LRRC38: variants seen among roughly 807,000 people sequenced by gnomAD.
The protein encoded by LRRC38 is leucine rich repeat containing 38.
LRRC38 carries 5 observed loss-of-function variants against 16.4 expected under a neutral mutation model. The observed-to-expected ratio is 0.31, with a 90% confidence interval of 0.16 to 0.64. LRRC38 has a LOEUF of 0.64. Among genes scored for constraint, LRRC38 ranks in the 30% least tolerant of loss-of-function variants. LRRC38 has a pLI of 0.80. For missense variants in LRRC38, 341 were observed against 401.8 expected (o/e 0.85, Z 1.29); for synonymous variants, 191 against 190.2 (o/e 1.00, Z -0.04).
In LRRC38 at chr1:13,504,217, C is replaced by G. The variant is rs139338587; in HGVS notation, c.631+8746G>C. Among the ~76,000 whole-genome samples the G allele has an allele frequency of 6.5e-3, 928 of 141,980 alleles. 2 individuals carry two copies. The highest frequency in any genetic ancestry group is 0.01 in the Non-Finnish European group (688 of 67,328). 93.1% of individuals were successfully genotyped at this position (141,980 alleles called of 152,430 possible). ...ATCACTTGAGGTCAAAGGAGAGATGCTATCACCTACATTTGACCGGGGACA... is the reference window on the plus strand; with the variant it reads ...ATCACTTGAGGTCAAAGGAGAGATGGTATCACCTACATTTGACCGGGGACA... On this transcript the variant is annotated intron_variant, in intron 1 of 1. Transcript: ENST00000376085.
At chr1:13,495,215 T>C (rs1314981680) in intron 1 of LRRC38, among the ~76,000 whole-genome samples, 2 of 152,082 alleles carry the variant, frequency 1.3e-5, no homozygotes, top group African/African-American at 4.8e-5. Context: ...ACAGCCCCAG[T>C]GTGTCTGGGA....
intron 1 of LRRC38, among the ~76,000 whole-genome samples, chr1:13,498,239 CAAAACAAAACA>C (rs1176743464): frequency 4.9e-5 from 6 of 123,522 alleles, no homozygotes; most frequent in African/African-American, 9.4e-5. Context: ...AAAAACAAAA[CAAAACAAAACA>C]AAAAAAAAAA....
In LRRC38 at chr1:13,487,680, G is replaced by A. The variant is rs1638952779; in HGVS notation, c.632-11581C>T. 6.6e-6 allele frequency among the ~76,000 whole-genome samples: 1 copy of A among 152,194 alleles called. No homozygotes were observed. The highest frequency in any genetic ancestry group is 1.5e-5 in the Non-Finnish European group (1 of 68,050). ...GACTTCTCCCCAGCAGCTGACACCTGAGCTGGAGAGGGTGAAGAGCTGCCA... is the reference window on the plus strand; with the variant it reads ...GACTTCTCCCCAGCAGCTGACACCTAAGCTGGAGAGGGTGAAGAGCTGCCA... On this transcript the variant is annotated intron_variant, in intron 1 of 1. Transcript: ENST00000376085. This position sits in a 1 kb window ranked among gnomAD's most constrained non-coding sequence, Gnocchi z 4.4.
intron 1 of LRRC38, among the ~76,000 whole-genome samples, chr1:13,480,015 G>C (rs143165360): frequency 6.6e-6 from 1 of 152,204 alleles, no homozygotes; most frequent in African/African-American, 2.4e-5. Context: ...CCACCTACCA[G>C]ATGCCAGCAA....
chr1:13,475,698 G>T lies in LRRC38; in HGVS notation c.*148C>A. 1.0e-6 allele frequency: 1 copy of T among 963,220 alleles called. No individual in the cohort carries two copies. Among genetic ancestry groups the T allele is most frequent in the Non-Finnish European group, 1.5e-6 (1 of 664,300 alleles). The allele number at this position is 963,220 out of a possible 1,614,324, so 59.7% of individuals were successfully genotyped here. A position where few individuals can be genotyped will look rare whatever the true frequency, so the allele number is the denominator to read the frequency against. ...AACTCTGAGATCAGTGGTCCCAGCA[G>T]GTGTACCCAGGGGCCAAGACACGGA... On this transcript the variant is annotated 3_prime_UTR_variant, in exon 2 of 2. Coordinates refer to ENST00000376085, the MANE Select transcript of LRRC38 (RefSeq NM_001010847.2). This position sits in a 1 kb window ranked among gnomAD's most constrained non-coding sequence, Gnocchi z 4.3.
rs78802879 is a variant in LRRC38, at chr1:13,490,800, G to C, written c.632-14701C>G. On this transcript the variant is annotated intron_variant, in intron 1 of 1. Coordinates refer to ENST00000376085, the MANE Select transcript of LRRC38 (RefSeq NM_001010847.2). ...TCAGAGCTCCACACGGCCTCTGGATGGTCAGGCACCCACTGTGGCTCCCTC... is the reference window on the plus strand; with the variant it reads ...TCAGAGCTCCACACGGCCTCTGGATCGTCAGGCACCCACTGTGGCTCCCTC... Among the ~76,000 whole-genome samples the C allele has an allele frequency of 8.2e-4, 125 of 152,224 alleles. 1 individual carries two copies. The East Asian group carries it at 0.018, about 22-fold the overall frequency.
intron 1 of LRRC38, among the ~76,000 whole-genome samples, chr1:13,488,365 G>A (rs1421481310): frequency 6.6e-6 from 1 of 150,750 alleles, no homozygotes; most frequent in Non-Finnish European, 1.5e-5. Context: ...TCCGCCTCCT[G>A]GGTTCAAGCA....
intron 1 of LRRC38, among the ~76,000 whole-genome samples, chr1:13,489,196 G>C (rs904442510): frequency 2.6e-5 from 4 of 152,082 alleles, no homozygotes; most frequent in African/African-American, 9.7e-5. Context: ...TCTGCTCCTG[G>C]CAAGAGCTTA....
At chr1:13,481,483 C>A (rs1638855389) in intron 1 of LRRC38, among the ~76,000 whole-genome samples, 1 of 151,712 alleles carries the variant, frequency 6.6e-6, no homozygotes, top group South Asian at 2.1e-4. Flanking sequence ...GCTCTGCCTC[C>A]TGGGTTCACG....
rs1638784933 is a variant in LRRC38 at position 13,476,069 on chromosome 1, A to G, written c.662T>C (p.Met221Thr). 5 of 1,550,462 alleles carry G rather than the reference A, an allele frequency of 3.2e-6. No homozygotes were observed. The African/African-American group carries it at 5.5e-5, about 17-fold the overall frequency. ...GLDEIQCSLPMESRRISLREL... is the reference protein window; with the variant it reads ...GLDEIQCSLPTESRRISLREL... ...ACGCAGGGATATCCTCCTGCTCTCC[A>G]TGGGCAGGGAGCACTGGATTTCATC... is the stretch of plus-strand genomic sequence containing the variant. Residue 221 changes from methionine to threonine, a missense_variant, in exon 2 of 2, where the codon ATG becomes ACG. Transcript: ENST00000376085.
chr1:13,513,667 GT>G lies in LRRC38; in HGVS notation c.-75del. 1 of 985,088 alleles carries G rather than the reference GT, an allele frequency of 1.0e-6. No homozygotes were observed. The highest frequency in any genetic ancestry group is 1.7e-5 in the African/African-American group (1 of 57,144). 61.0% of individuals were successfully genotyped at this position (985,088 alleles called of 1,614,324 possible). ...GCGAGCCCTGGCGCGGGACGGCGCG[GT>G]GAGGCACTGGCTGCCGGGCGCGGGG... On this transcript the variant is annotated 5_prime_UTR_variant, in exon 1 of 2. Transcript: ENST00000376085.
At chr1:13,502,391 C>T (rs1483920768) in intron 1 of LRRC38, among the ~76,000 whole-genome samples, 4 of 152,166 alleles carry the variant, frequency 2.6e-5, no homozygotes, top group Non-Finnish European at 4.4e-5. Flanking sequence ...CCATACCTGC[C>T]CCCACTTGCT....
Position 13,481,685 on chromosome 1 carries a change from G to A in LRRC38, c.632-5586C>T, listed in dbSNP as rs112449183. On this transcript the variant is annotated intron_variant, in intron 1 of 1. Coordinates refer to ENST00000376085, the MANE Select transcript of LRRC38 (RefSeq NM_001010847.2). ...ACTGGGATTACAGGCATGAGTCACCGTGCCCGGCCAATGTGTTCTTAGAAG... is the reference window on the plus strand; with the variant it reads ...ACTGGGATTACAGGCATGAGTCACCATGCCCGGCCAATGTGTTCTTAGAAG... Among the ~76,000 whole-genome samples, 498 of 152,054 alleles carry A rather than the reference G, an allele frequency of 3.3e-3. 5 individuals are homozygous for A. Among genetic ancestry groups the A allele is most frequent in the African/African-American group, 0.01 (417 of 41,458 alleles).
intron 1 of LRRC38, among the ~76,000 whole-genome samples, chr1:13,505,131 AGACCTGTGGCCTC>A (rs1176079661): frequency 6.6e-6 from 1 of 152,236 alleles, no homozygotes; most frequent in African/African-American, 2.4e-5. Context: ...AGTTAAACTG[AGACCTGTGGCCTC>A]GGCATCCTGA....
intron 1 of LRRC38, among the ~76,000 whole-genome samples, chr1:13,483,326 A>G (rs1452229769): frequency 6.6e-6 from 1 of 151,676 alleles, no homozygotes; most frequent in East Asian, 1.9e-4. Flanking sequence ...TAATTTTTGT[A>G]TTTTTAGTAG....
At position 13,513,113 on chromosome 1, in the gene LRRC38, C is replaced by A; in HGVS notation, c.481G>T (p.Asp161Tyr). 6.5e-7 allele frequency: 1 copy of A among 1,550,284 alleles called. No individual in the cohort carries two copies. The highest frequency in any genetic ancestry group is 8.7e-7 in the Non-Finnish European group (1 of 1,146,844). Residue 161 changes from aspartate to tyrosine, a missense_variant, in exon 1 of 2, where the codon GAC (aspartate) becomes TAC (tyrosine). Coordinates refer to ENST00000376085, the MANE Select transcript of LRRC38 (RefSeq NM_001010847.2). ...ACGCTGAGGCTGCGCAGGTTGTTGT[C>A]GTTGAGCTCCAGCACCTGCAGCGAC... is the stretch of plus-strand genomic sequence containing the variant. Reference protein sequence around the residue: ...LESLQVLELNDNNLRSLSVAA... With the variant: ...LESLQVLELNYNNLRSLSVAA...
chr1:13,483,846 GC>G (rs1638897785), intron 1 of LRRC38, among the ~76,000 whole-genome samples: 2 of 151,698 alleles, frequency 1.3e-5, no homozygotes, highest in Non-Finnish European at 2.9e-5. Flanking sequence ...TTCAGACTGA[GC>G]CTGCGTTTGA....
intron 1 of LRRC38, among the ~76,000 whole-genome samples, chr1:13,486,393 G>A (rs1173229774): frequency 1.3e-5 from 2 of 151,964 alleles, no homozygotes; most frequent in Non-Finnish European, 2.9e-5. Flanking sequence ...TCCAAATAAG[G>A]TCACATTCAT....
chr1:13,486,448 A>G (rs1638935125), intron 1 of LRRC38, among the ~76,000 whole-genome samples: 1 of 152,166 alleles, frequency 6.6e-6, no homozygotes, highest in Non-Finnish European at 1.5e-5. Context: ...CGGGGGATAC[A>G]ATTCAACCCA....
Sources: gnomAD v4.1 joint callset for allele counts (sites outside exome capture counted in the v4.1 genomes callset) on GRCh38, gnomAD v4.1.1 for gene constraint, Gnocchi (gnomAD v3.1) non-coding constraint, MANE v1.5 for transcripts, NCBI Gene and HGNC (gene_info 2026-07-23, HGNC 2026-07-21) for gene names.